Variants in TM9SF2 observed in about 807,000 individuals in gnomAD.
TM9SF2 encodes transmembrane 9 superfamily member 2.
A neutral mutation model predicts 84.9 loss-of-function variants in TM9SF2; 13 were observed. That is an observed-to-expected ratio of 0.15 (90% CI 0.10 to 0.24). The LOEUF (loss-of-function observed/expected upper bound fraction) is 0.24. Ranked by LOEUF, TM9SF2 falls within the 10% of genes least tolerant of loss-of-function variation. The pLI is 1.00. For synonymous variants in TM9SF2, 273 were observed against 285.8 expected (o/e 0.96, Z 0.45); for missense variants, 562 against 818.5 (o/e 0.69, Z 3.82).
intron 3 of TM9SF2, among the ~76,000 whole-genome samples, chr13:99,525,120 A>G (rs2046176710): frequency 6.6e-6 from 1 of 152,094 alleles, no homozygotes; most frequent in Non-Finnish European, 1.5e-5. Flanking sequence ...CCAGGTGGAG[A>G]GAGAATGGAA....
intron 13 of TM9SF2, among the ~76,000 whole-genome samples, 185 bp downstream of exon 13, chr13:99,552,511 C>T (rs2046309262): frequency 6.6e-6 from 1 of 152,112 alleles, no homozygotes; most frequent in Admixed American, 6.6e-5. Context: ...CAGATCTAAA[C>T]TTAGGTTTCA....
chr13:99,506,458 T>G (rs941286645), intron 1 of TM9SF2, among the ~76,000 whole-genome samples: 1 of 152,260 alleles, frequency 6.6e-6, no homozygotes, highest in African/African-American at 2.4e-5. Context: ...TGGAAGGACT[T>G]ACTTTGACTA....
chr13:99,501,619 C>G lies in TM9SF2; in HGVS notation c.13C>G (p.Leu5Val), dbSNP rs768677022. The change falls in exon 1 of 17, where the codon CTG becomes GTG. Residue 5 changes from leucine (L) to valine (V), a missense_variant. By Grantham distance (32) the Leu-to-Val change is conservative. This residue lies in a region of TM9SF2 where 267 missense variants were observed against 316.7 expected (regional missense o/e 0.84). Coordinates refer to ENST00000376387, the MANE Select transcript of TM9SF2 (RefSeq NM_004800.3). ...CGAAACAACTATCATGAGCGCGAGG[C>G]TGCCGGTGTTGTCTCCACCTCGGTG... Reference protein sequence around the residue: MSARLPVLSPPRWPR... With the variant: MSARVPVLSPPRWPR... The G allele has an allele frequency of 7.4e-6, 12 of 1,612,406 alleles. No individual in the cohort carries two copies. Among genetic ancestry groups the G allele is most frequent in the Middle Eastern group, 1.7e-4 (1 of 5,974 alleles).
intron 1 of TM9SF2, among the ~76,000 whole-genome samples, chr13:99,514,582 C>G (rs1489176877): frequency 7.9e-5 from 12 of 152,194 alleles, no homozygotes; most frequent in Non-Finnish European, 1.6e-4. Flanking sequence ...CACGTTTCTC[C>G]AAACACATCC....
At chr13:99,541,978 C>T (rs1418505035) in intron 9 of TM9SF2, among the ~76,000 whole-genome samples, 3 of 151,934 alleles carry the variant, frequency 2.0e-5, no homozygotes, top group Admixed American at 6.6e-5. Flanking sequence ...GGTGAAACCC[C>T]ATCTCTCCTA....
At chr13:99,508,716 G>A (rs1261703746) in intron 1 of TM9SF2, among the ~76,000 whole-genome samples, 3 of 152,106 alleles carry the variant, frequency 2.0e-5, no homozygotes, top group African/African-American at 7.2e-5. Context: ...AAAAGCAGGA[G>A]TGAAAGAGTT....
intron 1 of TM9SF2, among the ~76,000 whole-genome samples, chr13:99,507,880 G>A (rs559942910): frequency 6.6e-6 from 1 of 152,284 alleles, no homozygotes; most frequent in East Asian, 1.9e-4. Context: ...CAGATGTGAT[G>A]ATAGCAGAAT....
chr13:99,562,360 C>T (rs754010446), intron 16 of TM9SF2, among the ~76,000 whole-genome samples: 5 of 152,134 alleles, frequency 3.3e-5, no homozygotes, highest in Non-Finnish European at 7.4e-5. Flanking sequence ...ATTCTAGTAG[C>T]GTTTTCCATT....
At chr13:99,541,009 G>C (rs1183240716) in intron 8 of TM9SF2, among the ~76,000 whole-genome samples, 1 of 152,230 alleles carries the variant, frequency 6.6e-6, no homozygotes, top group African/African-American at 2.4e-5. Flanking sequence ...TGGGATTGTT[G>C]TGAGGATTAA....
chr13:99,516,461 G>T (rs1594046930), intron 1 of TM9SF2, among the ~76,000 whole-genome samples: 1 of 152,140 alleles, frequency 6.6e-6, no homozygotes, highest in African/African-American at 2.4e-5. Context: ...TTTTTGATTA[G>T]CACCAAAGGT....
intron 11 of TM9SF2, 140 bp from the exon 12 acceptor site, chr13:99,549,025 A>G (rs1461349073): frequency 1.6e-6 from 1 of 614,702 alleles, no homozygotes; most frequent in Non-Finnish European, 2.8e-6. Context: ...GGAATATCAT[A>G]TTATATTTGC....
intron 4 of TM9SF2, among the ~76,000 whole-genome samples, chr13:99,532,271 C>T (rs934305640): frequency 1.3e-5 from 2 of 151,744 alleles, no homozygotes; most frequent in South Asian, 4.2e-4. Context: ...AGGATGGTCT[C>T]GATCTCCTGA....
Position 99,540,645 on chromosome 13 carries a change from G to A in TM9SF2, c.829-69G>A. The A allele has an allele frequency of 2.3e-6, 3 of 1,303,762 alleles. 1 individual carries two copies. Among genetic ancestry groups the A allele is most frequent in the South Asian group, 2.6e-5 (2 of 77,034 alleles). 80.8% of individuals were successfully genotyped at this position (1,303,762 alleles called of 1,614,324 possible). ...TCAATGGAAGGACAAGCTTTGAATGGGATTTTTTTTTGTTCTTAATGTGCT... is the reference window on the plus strand; with the variant it reads ...TCAATGGAAGGACAAGCTTTGAATGAGATTTTTTTTTGTTCTTAATGTGCT... On this transcript the variant is annotated intron_variant, in intron 7 of 16. Coordinates refer to ENST00000376387, the MANE Select transcript of TM9SF2 (RefSeq NM_004800.3).
intron 1 of TM9SF2, among the ~76,000 whole-genome samples, chr13:99,509,249 A>G (rs2046102951): frequency 1.3e-5 from 2 of 152,150 alleles, no homozygotes; most frequent in Non-Finnish European, 2.9e-5. Context: ...ACAGGGTGTA[A>G]GCTGCCAATG....
intron 1 of TM9SF2, among the ~76,000 whole-genome samples, chr13:99,510,568 A>AC (rs1566562691): frequency 6.6e-6 from 1 of 152,130 alleles, no homozygotes; most frequent in African/African-American, 2.4e-5. Flanking sequence ...GGCGTGTCAT[A>AC]TGGTTACACA....
intron 10 of TM9SF2, 91 bp downstream of exon 10, chr13:99,544,086 T>C (rs2046272509): frequency 4.2e-6 from 6 of 1,434,232 alleles, no homozygotes; most frequent in South Asian, 1.3e-5. Flanking sequence ...GCATGGTGGC[T>C]CATGCCTGTA....
At chr13:99,550,913 A>G (rs1426631764) in intron 12 of TM9SF2, among the ~76,000 whole-genome samples, 1 of 152,222 alleles carries the variant, frequency 6.6e-6, no homozygotes, top group Non-Finnish European at 1.5e-5. Flanking sequence ...AGTTCTGTTC[A>G]CAGTAAAGGA....
At chr13:99,541,703 G>A (rs1264725692) in intron 9 of TM9SF2, 36 bp downstream of exon 9, 2 of 1,392,364 alleles carry the variant, frequency 1.4e-6, no homozygotes, top group Non-Finnish European at 2.0e-6. Flanking sequence ...GTCTGCCAAG[G>A]ACACTGTTTA....
intron 13 of TM9SF2, 105 bp from the exon 14 acceptor site, chr13:99,554,199 T>C: frequency 7.3e-7 from 1 of 1,367,402 alleles, no homozygotes; most frequent in Non-Finnish European, 1.0e-6. Context: ...TTGCCATTAG[T>C]GACAACATAG....
Sources: gnomAD v4.1 joint callset for allele counts (sites outside exome capture counted in the v4.1 genomes callset) on GRCh38, gnomAD v4.1.1 for gene constraint, gnomAD v4.1.1 regional missense constraint, MANE v1.5 for transcripts, NCBI Gene and HGNC (gene_info 2026-07-23, HGNC 2026-07-21) for gene names.